UNC119B: variants seen among roughly 807,000 people sequenced by gnomAD.
The protein encoded by UNC119B is protein unc-119 homolog B.
A neutral mutation model predicts 23.4 loss-of-function variants in UNC119B; 16 were observed. The ratio of observed to expected loss-of-function variants is 0.68; its 90% CI spans 0.46 to 1.04. The LOEUF (loss-of-function observed/expected upper bound fraction) is 1.04. Among genes scored for constraint, UNC119B ranks in the 50% least tolerant of loss-of-function variants. The pLI is 0.00. For synonymous variants in UNC119B, 144 were observed against 145.4 expected (o/e 0.99, Z 0.07); for missense variants, 350 against 361.3 (o/e 0.97, Z 0.25).
At chr12:120,715,158 T>A (rs1207346755) in intron 2 of UNC119B, among the ~76,000 whole-genome samples, 1 of 152,182 alleles carries the variant, frequency 6.6e-6, no homozygotes, top group Non-Finnish European at 1.5e-5. Context: ...TGCATTGCAC[T>A]CCAGCAAAGG....
At chr12:120,715,464 C>T (rs1174571430) in intron 2 of UNC119B, among the ~76,000 whole-genome samples, 1 of 150,954 alleles carries the variant, frequency 6.6e-6, no homozygotes, top group African/African-American at 2.4e-5. Flanking sequence ...AAAATATCCT[C>T]ACTGGACACT....
At position 120,721,245 on chromosome 12, in the gene UNC119B, T is replaced by C. The variant is rs1377519533; in HGVS notation, c.*1213T>C. The C allele has an allele frequency of 6.6e-6, 1 of 152,260 alleles. No homozygotes were observed. The highest frequency in any genetic ancestry group is 1.5e-5 in the Non-Finnish European group (1 of 68,058). 9.4% of individuals were successfully genotyped at this position (152,260 alleles called of 1,614,324 possible). Reference sequence around the variant, plus strand: ...GGTGTTCAGAAAGGGCAAAATAGGCTGATGTGGCCTGTCAGAGTGATGTGT... The same window carrying C: ...GGTGTTCAGAAAGGGCAAAATAGGCCGATGTGGCCTGTCAGAGTGATGTGT... On this transcript the variant is annotated 3_prime_UTR_variant, in exon 5 of 5. Coordinates refer to ENST00000344651, the MANE Select transcript of UNC119B (RefSeq NM_001080533.3).
At chr12:120,719,743 C>G (rs1368331373) in intron 4 of UNC119B, among the ~76,000 whole-genome samples, 177 bp from the exon 5 acceptor site, 1 of 152,098 alleles carries the variant, frequency 6.6e-6, no homozygotes, top group African/African-American at 2.4e-5. Context: ...CCTCTGTGGT[C>G]TCCCCAGCTG....
In UNC119B at chr12:120,720,094, A is replaced by G. The variant is rs1302248709; in HGVS notation, c.*62A>G. The G allele has an allele frequency of 4.6e-6, 6 of 1,297,086 alleles. No homozygotes were observed. Among genetic ancestry groups the G allele is most frequent in the Non-Finnish European group, 6.7e-6 (6 of 900,314 alleles). The allele number at this position is 1,297,086 out of a possible 1,614,324, so 80.3% of individuals were successfully genotyped here. Reference sequence around the variant, plus strand: ...GGCCACAAGATCCTGGCACACGGAGATGATCGAAGCTGCAGTTTGTCAACA... The same window carrying G: ...GGCCACAAGATCCTGGCACACGGAGGTGATCGAAGCTGCAGTTTGTCAACA... On this transcript the variant is annotated 3_prime_UTR_variant, in exon 5 of 5. Transcript: ENST00000344651.
At chr12:120,712,944 T>C (rs1369183245) in intron 1 of UNC119B, among the ~76,000 whole-genome samples, 3 of 152,280 alleles carry the variant, frequency 2.0e-5, no homozygotes, top group Non-Finnish European at 4.4e-5. Context: ...ATTGGAATTC[T>C]ATAAAAAGTT....
At chr12:120,715,368 C>T (rs1054881774) in intron 2 of UNC119B, among the ~76,000 whole-genome samples, 5 of 152,116 alleles carry the variant, frequency 3.3e-5, no homozygotes, top group African/African-American at 9.7e-5. Context: ...GTTGCCCAGT[C>T]GCTCTTGGGC....
rs1003493853 is a variant in UNC119B at position 120,712,190 on chromosome 12, T to G, written c.245-1084T>G. Reference sequence around the variant, plus strand: ...TGTCCAAACCCACCTCTGCAGCTTCTTAGAGTCTGGCAACCTCTTTGTTAC... The same window carrying G: ...TGTCCAAACCCACCTCTGCAGCTTCGTAGAGTCTGGCAACCTCTTTGTTAC... On this transcript the variant is annotated intron_variant, in intron 1 of 4. Transcript: ENST00000344651. Among the ~76,000 whole-genome samples, 4 of 152,230 alleles carry G rather than the reference T, an allele frequency of 2.6e-5. No homozygotes were observed. The South Asian group carries it at 8.3e-4, about 32-fold the overall frequency.
At chr12:120,713,505 A>G in intron 2 of UNC119B, 118 bp downstream of exon 2, 1 of 744,174 alleles carries the variant, frequency 1.3e-6, no homozygotes, top group Non-Finnish European at 2.2e-6. Context: ...CACTTCTGTG[A>G]CCTCTTCCCG....
intron 4 of UNC119B, 68 bp downstream of exon 4, chr12:120,717,110 A>C: frequency 6.8e-7 from 1 of 1,468,304 alleles, no homozygotes; most frequent in East Asian, 2.3e-5. Context: ...CTTGAAACCC[A>C]TCTGGTCCAG....
At chr12:120,715,585 G>A (rs1389848064) in intron 2 of UNC119B, among the ~76,000 whole-genome samples, 1 of 136,156 alleles carries the variant, frequency 7.3e-6, no homozygotes, top group African/African-American at 2.8e-5. Context: ...CCAGGCTGGA[G>A]TGCAATGGCA....
At position 120,710,733 on chromosome 12, in the gene UNC119B, G is replaced by A; in HGVS notation, c.244+15G>A. 1 of 1,345,160 alleles carries A rather than the reference G, an allele frequency of 7.4e-7. No homozygotes were observed. The highest frequency in any genetic ancestry group is 9.5e-7 in the Non-Finnish European group (1 of 1,051,438). 83.3% of individuals were successfully genotyped at this position (1,345,160 alleles called of 1,614,324 possible). ...GGTCACCGAGAGTGAGTGCCGCGCG[G>A]GCCGCGCCCTCCCCTCGCGCCGTGC... On this transcript the variant is annotated intron_variant, in intron 1 of 4. Coordinates refer to ENST00000344651, the MANE Select transcript of UNC119B (RefSeq NM_001080533.3).
chr12:120,712,764 A>T (rs966100349), intron 1 of UNC119B, among the ~76,000 whole-genome samples: 1 of 152,194 alleles, frequency 6.6e-6, no homozygotes, highest in Non-Finnish European at 1.5e-5. Context: ...GGCTACAATG[A>T]TAGAGTTGAG....
intron 2 of UNC119B, 31 bp downstream of exon 2, chr12:120,713,418 C>T (rs757267635): frequency 3.3e-6 from 5 of 1,519,672 alleles, no homozygotes; most frequent in South Asian, 2.3e-5. Flanking sequence ...GACCACTAGA[C>T]AGTTTTGAGC....
chr12:120,716,816 TG>T, intron 3 of UNC119B, 53 bp from the exon 4 acceptor site: 1 of 1,605,582 alleles, frequency 6.2e-7, no homozygotes. Flanking sequence ...GGTTTTGGGT[TG>T]GCTTTAGAGG....
intron 3 of UNC119B, 49 bp from the exon 4 acceptor site, chr12:120,716,821 T>G (rs476676): frequency 0.016 from 26,169 of 1,605,606 alleles, 657 homozygotes; most frequent in African/African-American, 0.093. Flanking sequence ...TGGGTTGGCT[T>G]TAGAGGAGGG....
At position 120,719,945 on chromosome 12, in the gene UNC119B, C is replaced by A. The variant is rs756572243; in HGVS notation, c.669C>A (p.Tyr223Ter). The A allele has an allele frequency of 2.5e-6, 4 of 1,614,002 alleles. No individual in the cohort carries two copies. The African/African-American group carries it at 4.0e-5, about 16-fold the overall frequency. ...DVIRLMIENP[Y>*]ETRSDSFYFV... is the part of the protein sequence containing the mutation. Reference sequence around the variant, plus strand: ...TTCGTCTAATGATTGAAAATCCTTACGAGACCCGCTCTGACAGCTTCTACT... The same window carrying A: ...TTCGTCTAATGATTGAAAATCCTTAAGAGACCCGCTCTGACAGCTTCTACT... Residue 223 changes from tyrosine to a stop codon, truncating the protein, a stop_gained, in exon 5 of 5, where the codon TAC (tyrosine) becomes TAA (stop). Coordinates refer to ENST00000344651, the MANE Select transcript of UNC119B (RefSeq NM_001080533.3). LOFTEE classifies it high-confidence loss of function.
chr12:120,713,367 T>C lies in UNC119B; in HGVS notation c.338T>C (p.Ile113Thr). The C allele has an allele frequency of 6.2e-7, 1 of 1,614,076 alleles. No individual in the cohort carries two copies. Among genetic ancestry groups the C allele is most frequent in the Non-Finnish European group, 8.5e-7 (1 of 1,179,892 alleles). ...DLETGTVLFE[I>T]AKPCVSDQEE... ...GAGACAGGGACAGTACTTTTTGAGA[T>C]TGCCAAACCTTGCGTTTCAGGTAGG... is the stretch of plus-strand genomic sequence containing the variant. The change falls in exon 2 of 5, where the codon ATT becomes ACT. Residue 113 changes from isoleucine to threonine, a missense_variant. By Grantham distance (89) the Ile-to-Thr change is moderately conservative. Coordinates refer to ENST00000344651, the MANE Select transcript of UNC119B (RefSeq NM_001080533.3).
chr12:120,717,271 GT>G (rs925453983), intron 4 of UNC119B, among the ~76,000 whole-genome samples: 2 of 151,998 alleles, frequency 1.3e-5, no homozygotes, highest in Non-Finnish European at 2.9e-5. Context: ...TTTTGTTTTT[GT>G]TTTTTTCCCC....
chr12:120,710,492 G>C lies in UNC119B; in HGVS notation c.18G>C (p.Pro6=), dbSNP rs769602278. The C allele has an allele frequency of 1.5e-6, 2 of 1,351,222 alleles. No individual in the cohort carries two copies. Among genetic ancestry groups the C allele is most frequent in the African/African-American group, 1.5e-5 (1 of 65,532 alleles). The allele number at this position is 1,351,222 out of a possible 1,614,324, so 83.7% of individuals were successfully genotyped here. A position where few individuals can be genotyped will look rare whatever the true frequency, so the allele number is the denominator to read the frequency against. The stretch of plus-strand genomic sequence containing the variant: ...GCGGAGCGATGAGCGGGTCTAACCC[G>C]AAGGCTGCGGCCGCGGCGTCGGCGG... MSGSN[P]KAAAAASAAG... The change falls in exon 1 of 5, where the codon CCG becomes CCC. Residue 6 remains proline (P), a synonymous_variant. Coordinates refer to ENST00000344651, the MANE Select transcript of UNC119B (RefSeq NM_001080533.3).
Sources: gnomAD v4.1 joint callset for allele counts (sites outside exome capture counted in the v4.1 genomes callset) on GRCh38, gnomAD v4.1.1 for gene constraint, MANE v1.5 for transcripts, NCBI Gene and HGNC (gene_info 2026-07-23, HGNC 2026-07-21) for gene names.